Variants in PKD1L3 observed in about 807,000 individuals in gnomAD.
PKD1L3 encodes the protein polycystin 1 like 3, transient receptor potential channel interacting.
A neutral mutation model predicts 184.1 loss-of-function variants in PKD1L3; 239 were observed. The ratio of observed to expected loss-of-function variants is 1.30; its 90% CI spans 1.17 to 1.45. The LOEUF (loss-of-function observed/expected upper bound fraction) is 1.45. Among genes scored for constraint, PKD1L3 ranks in the 40% most tolerant of loss-of-function variants. The probability of loss-of-function intolerance (pLI) is 0.00; values close to 1 mark genes in which losing one functional copy is unlikely to be tolerated. For synonymous variants in PKD1L3, 996 were observed against 778.8 expected, an observed-to-expected ratio of 1.28 and a Z score of -4.64; for missense variants, 2,660 against 2,067.2, an observed-to-expected ratio of 1.29 and a Z score of -5.56.
rs145094042 is a variant in PKD1L3 at position 71,970,208 on chromosome 16, G to A, written c.1954-103C>T. 8,038 of 904,406 alleles carry A rather than the reference G, an allele frequency of 8.9e-3. 71 individuals are homozygous for A. The highest frequency in any genetic ancestry group is 9.4e-3 in the Non-Finnish European group (5,579 of 596,370). 56.0% of individuals were successfully genotyped at this position (904,406 alleles called of 1,614,324 possible). On this transcript the variant is annotated intron_variant, in intron 12 of 29. Coordinates refer to ENST00000620267, the MANE Select transcript of PKD1L3 (RefSeq NM_181536.2). ...ATTTAGAGATGGAAAGAGGTATCTG[G>A]TTCTCTCATTCACAGCTGGTGATGG...
Position 71,952,935 on chromosome 16 carries a change from C to A in PKD1L3, c.2968G>T (p.Asp990Tyr), listed in dbSNP as rs1416826514. ...FPPIQASCLS[D>Y]ASVEPLSATM... ...GCAGAGAGAGGCTCAACAGAAGCATCTGAGAGGCAGGAGGCCTGGATGGGA... is the reference window on the plus strand; with the variant it reads ...GCAGAGAGAGGCTCAACAGAAGCATATGAGAGGCAGGAGGCCTGGATGGGA... Residue 990 changes from aspartate (D) to tyrosine (Y), a missense_variant, in exon 18 of 30, where the codon GAT becomes TAT. Coordinates refer to ENST00000620267, the MANE Select transcript of PKD1L3 (RefSeq NM_181536.2). The A allele has an allele frequency of 1.3e-6, 2 of 1,550,988 alleles. No individual in the cohort carries two copies. The highest frequency in any genetic ancestry group is 2.4e-5 in the South Asian group (2 of 83,904).
chr16:71,978,318 T>A lies in PKD1L3; in HGVS notation c.1464A>T (p.Gly488=). ...TACGATTAGCGCTTAGTAACACACT[T>A]CCAATGCTTCCAACAATGTTTCTGT... is the stretch of plus-strand genomic sequence containing the variant. ...LDNRNIVGSI[G]SVLLSANRKL... Residue 488 remains glycine (G), a synonymous_variant, in exon 10 of 30, where the codon GGA becomes GGT. Transcript: ENST00000620267. 2 of 1,550,820 alleles carry A rather than the reference T, an allele frequency of 1.3e-6. No homozygotes were observed. Among genetic ancestry groups the A allele is most frequent in the Non-Finnish European group, 1.7e-6 (2 of 1,146,474 alleles).
intron 4 of PKD1L3, among the ~76,000 whole-genome samples, chr16:71,988,086 C>A (rs35484594): frequency 0.78 from 118,480 of 152,110 alleles, 46,425 homozygotes; most frequent in South Asian, 0.86. Context: ...CACTTGTTTT[C>A]ACGGATCCTT....
chr16:71,937,881 G>T (rs1289254563), intron 24 of PKD1L3, among the ~76,000 whole-genome samples: 1 of 152,226 alleles, frequency 6.6e-6, no homozygotes, highest in South Asian at 2.1e-4. Flanking sequence ...GAAAGGTCTT[G>T]TGAATACAAA....
intron 4 of PKD1L3, 57 bp from the exon 5 acceptor site, chr16:71,986,526 T>G: frequency 1.3e-6 from 2 of 1,491,340 alleles, no homozygotes; most frequent in Non-Finnish European, 1.8e-6. Context: ...CATTTTATAA[T>G]TAAGGCAGCA....
At chr16:71,985,578 C>A (rs1367209998) in intron 5 of PKD1L3, among the ~76,000 whole-genome samples, 1 of 152,154 alleles carries the variant, frequency 6.6e-6, no homozygotes. Context: ...ACTACAGGCA[C>A]ATGCCACCAC....
intron 5 of PKD1L3, among the ~76,000 whole-genome samples, chr16:71,984,823 C>A (rs964178034): frequency 6.6e-6 from 1 of 152,182 alleles, no homozygotes; most frequent in African/African-American, 2.4e-5. Flanking sequence ...TGCGCCACTG[C>A]ACTCCAGCCT....
At position 71,986,914 on chromosome 16, in the gene PKD1L3, A is replaced by ATTTTTTTTTT. The variant is rs71153694; in HGVS notation, c.586-455_586-446dup. On this transcript the variant is annotated intron_variant, in intron 4 of 29. Transcript: ENST00000620267. ...GAGGATGTTCAGTGGTAAGGAGAGG[A>ATTTTTTTTTT]TTTTTTTTTTTTTTTTTTTTTTTTT... Among the ~76,000 whole-genome samples, 18 of 81,364 alleles carry ATTTTTTTTTT rather than the reference A, an allele frequency of 2.2e-4. 3 individuals carry two copies. The highest frequency in any genetic ancestry group is 1.0e-3 in the African/African-American group (18 of 17,820). The allele number at this position is 81,364 out of a possible 152,430, so 53.4% of individuals were successfully genotyped here. A position where few individuals can be genotyped will look rare whatever the true frequency, so the allele number is the denominator to read the frequency against.
rs370868068 is a variant in PKD1L3 at position 71,969,964 on chromosome 16, C to A, written c.2095G>T (p.Val699Phe). 2.6e-6 allele frequency: 4 copies of A among 1,551,874 alleles called. No homozygotes were observed. Among genetic ancestry groups the A allele is most frequent in the East Asian group, 2.4e-5 (1 of 40,908 alleles). Residue 699 changes from valine (V) to phenylalanine (F), a missense_variant, in exon 13 of 30, where the codon GTT becomes TTT. Val to Phe is a conservative substitution (Grantham distance 50). Transcript: ENST00000620267. ...AGGCTGGCCAGCAGTGACACCCCAA[C>A]AGGATTGTTGGTCACGCGAAGGAAC... is the stretch of plus-strand genomic sequence containing the variant. ...KLFLRVTNNP[V>F]GVSLLASLLG...
chr16:71,950,968 T>C (rs929849590), intron 19 of PKD1L3, among the ~76,000 whole-genome samples: 2 of 151,864 alleles, frequency 1.3e-5, no homozygotes, highest in Admixed American at 6.6e-5. Context: ...GTTTTGAACT[T>C]CTGACCTCAG....
At position 71,934,107 on chromosome 16, in the gene PKD1L3, C is replaced by A; in HGVS notation, c.4632G>T (p.Glu1544Asp). ...DDQDRFISFY[E>D]AVKVNSAATH... ...TCGCAGCAGAGTTCACTTTTACTGCCTCATAGAAGCTGATGAATCTGCACC... is the reference window on the plus strand; with the variant it reads ...TCGCAGCAGAGTTCACTTTTACTGCATCATAGAAGCTGATGAATCTGCACC... Residue 1544 changes from glutamate (E) to aspartate (D), a missense_variant, in exon 27 of 30, where the codon GAG becomes GAT. By Grantham distance (45) the Glu-to-Asp change is conservative. Transcript: ENST00000620267. The A allele has an allele frequency of 3.2e-6, 5 of 1,551,874 alleles. No homozygotes were observed. Among genetic ancestry groups the A allele is most frequent in the Non-Finnish European group, 4.4e-6 (5 of 1,147,040 alleles).
chr16:71,967,847 G>T, intron 14 of PKD1L3, 59 bp downstream of exon 14: 1 of 1,379,956 alleles, frequency 7.2e-7, no homozygotes, highest in Non-Finnish European at 1.0e-6. Context: ...CACCAACTCA[G>T]AGTGTGTCTC....
intron 28 of PKD1L3, among the ~76,000 whole-genome samples, chr16:71,932,285 A>G (rs774323847): frequency 2.8e-4 from 43 of 152,220 alleles, no homozygotes; most frequent in Middle Eastern, 3.4e-3. Context: ...TCTACCCTTT[A>G]CATACCAGGG....
intron 16 of PKD1L3, among the ~76,000 whole-genome samples, chr16:71,957,579 T>G (rs2039095161): frequency 3.3e-5 from 5 of 151,830 alleles, no homozygotes. Context: ...GGGAGGATCA[T>G]TTGAGGTCAG....
chr16:71,941,581 CTTTTTTTTTTT>C (rs35509080), intron 24 of PKD1L3, among the ~76,000 whole-genome samples: 1 of 102,218 alleles, frequency 9.8e-6, no homozygotes, highest in African/African-American at 3.7e-5. Flanking sequence ...CTATGACATT[CTTTTTTTTTTT>C]TTTTTTTTTT....
intron 22 of PKD1L3, among the ~76,000 whole-genome samples, chr16:71,945,008 G>A (rs936113467): frequency 1.3e-4 from 19 of 150,940 alleles, no homozygotes; most frequent in African/African-American, 3.9e-4. Flanking sequence ...TAAAGCAGAA[G>A]CATGCAAAAT....
At position 71,942,902 on chromosome 16, in the gene PKD1L3, G is replaced by A; in HGVS notation, c.3982C>T (p.Leu1328Phe). ...TTGGCCCAGGGGTAGAAATCCTGAAGAAGTTTGATTTCCGAGAACTGGTGC... is the reference window on the plus strand; with the variant it reads ...TTGGCCCAGGGGTAGAAATCCTGAAAAAGTTTGATTTCCGAGAACTGGTGC... ...FSHQFSEIKL[L>F]QDFYPWANHI... is the part of the protein sequence containing the mutation. The change falls in exon 24 of 30, where the codon CTT becomes TTT. Residue 1328 changes from leucine to phenylalanine, a missense_variant. Physicochemically the swap from Leu to Phe is conservative, Grantham distance 22 (BLOSUM62 0). Transcript: ENST00000620267. The A allele has an allele frequency of 3.2e-6, 5 of 1,551,558 alleles. No individual in the cohort carries two copies. Among genetic ancestry groups the A allele is most frequent in the Non-Finnish European group, 4.4e-6 (5 of 1,146,870 alleles).
intron 21 of PKD1L3, among the ~76,000 whole-genome samples, chr16:71,949,341 G>C (rs1304223985): frequency 1.4e-5 from 2 of 140,034 alleles, no homozygotes; most frequent in Admixed American, 1.4e-4. Flanking sequence ...TTAAATGTCA[G>C]TTTGCTTTTT....
At position 71,995,324 on chromosome 16, in the gene PKD1L3, G is replaced by A. The variant is rs533182965; in HGVS notation, c.419-1992C>T. Among the ~76,000 whole-genome samples, 22 of 152,298 alleles carry A rather than the reference G, an allele frequency of 1.4e-4. No homozygotes were observed. In the South Asian group the frequency reaches 3.3e-3, roughly 23 times the overall value. ...CACATTGGCAACACCTGTTTTGGAA[G>A]GGGCACATTCAAACCATAGCAATAA... On this transcript the variant is annotated intron_variant, in intron 2 of 29. Transcript: ENST00000620267.
Sources: gnomAD v4.1 joint callset for allele counts (sites outside exome capture counted in the v4.1 genomes callset) on GRCh38, gnomAD v4.1.1 for gene constraint, MANE v1.5 for transcripts, NCBI Gene and HGNC (gene_info 2026-07-23, HGNC 2026-07-21) for gene names.